The following MAP3K15 variants were observed in gnomAD, a reference collection of about 807,000 sequenced individuals.
The protein encoded by MAP3K15 is MAPK/ERK kinase kinase 15.
MAP3K15 carries 124 observed loss-of-function variants against 99.5 expected under a neutral mutation model. That is an observed-to-expected ratio of 1.25 (90% CI 1.08 to 1.45). The LOEUF (loss-of-function observed/expected upper bound fraction) is 1.45. MAP3K15 is among the 40% of genes most tolerant of loss of function. The probability of loss-of-function intolerance (pLI) is 0.00; values close to 1 mark genes in which losing one functional copy is unlikely to be tolerated. For missense variants in MAP3K15, 1,242 were observed against 1,079.7 expected, an observed-to-expected ratio of 1.15 and a Z score of -2.11; for synonymous variants, 494 against 439.6, an observed-to-expected ratio of 1.12 and a Z score of -1.55.
intron 21 of MAP3K15, 85 bp downstream of exon 21, chrX:19,373,451 T>C (rs2063392746): frequency 2.8e-6 from 3 of 1,081,069 alleles, no homozygotes. Context: ...AGTGGCCATC[T>C]GGTTGGGACC....
chrX:19,510,079 G>A (rs767612041), intron 1 of MAP3K15, among the ~76,000 whole-genome samples: 2 of 111,568 alleles, frequency 1.8e-5, no homozygotes, highest in Admixed American at 9.6e-5. Context: ...CCAATAACAA[G>A]TTCTGAAATT....
intron 19 of MAP3K15, among the ~76,000 whole-genome samples, chrX:19,379,294 CTTTTTT>C (rs995651452): frequency 9.9e-6 from 1 of 101,355 alleles, no homozygotes; most frequent in Non-Finnish European, 2.0e-5. Flanking sequence ...TTTCCTTTTT[CTTTTTT>C]TTTTTTAAAC....
chrX:19,413,494 A>T (rs748204382), intron 10 of MAP3K15, 30 bp from the exon 11 acceptor site: 338 of 1,089,463 alleles, frequency 3.1e-4, no homozygotes, highest in Non-Finnish European at 1.0e-5. Context: ...CTGTTAACGT[A>T]CATGGGTAGA....
At chrX:19,365,229 C>A (rs4825296) in intron 25 of MAP3K15, among the ~76,000 whole-genome samples, 2 of 108,939 alleles carry the variant, frequency 1.8e-5, no homozygotes, top group Admixed American at 9.8e-5. Flanking sequence ...AAAAAAAGTT[C>A]TTCGACCTAC....
chrX:19,469,429 C>T (rs187525736), intron 3 of MAP3K15, among the ~76,000 whole-genome samples: 31 of 111,896 alleles, frequency 2.8e-4, no homozygotes, highest in Non-Finnish European at 4.5e-4. Context: ...ACATGTTAGA[C>T]CTAAAACCAT....
At chrX:19,419,109 G>A (rs1419718608) in intron 9 of MAP3K15, among the ~76,000 whole-genome samples, 1 of 111,815 alleles carries the variant, frequency 8.9e-6, no homozygotes, top group Non-Finnish European at 1.9e-5. Context: ...GACCATCAAG[G>A]CTAGGAAGAA....
At chrX:19,401,762 T>C (rs7890688) in intron 13 of MAP3K15, among the ~76,000 whole-genome samples, 4,637 of 112,013 alleles carry the variant, frequency 0.041, 123 homozygotes, top group South Asian at 0.12. Context: ...GTGCAGTTTT[T>C]ATTTGGATAC....
chrX:19,498,501 C>A (rs986335722), intron 1 of MAP3K15, among the ~76,000 whole-genome samples: 1 of 112,052 alleles, frequency 8.9e-6, no homozygotes, highest in Admixed American at 9.5e-5. Flanking sequence ...CTTTCTCCGT[C>A]ACCACCTGTA....
intron 3 of MAP3K15, among the ~76,000 whole-genome samples, chrX:19,474,882 A>T (rs1469657791): frequency 1.8e-5 from 2 of 111,147 alleles, no homozygotes; most frequent in African/African-American, 6.5e-5. Flanking sequence ...GTATTTTGAT[A>T]TGAAGGGTCT....
intron 9 of MAP3K15, among the ~76,000 whole-genome samples, chrX:19,418,015 G>A (rs949831981): frequency 1.8e-5 from 2 of 111,740 alleles, no homozygotes; most frequent in African/African-American, 6.5e-5. Context: ...CAAACAGAAA[G>A]GACATCCACA....
Position 19,392,436 on chromosome X carries a change from C to G in MAP3K15, c.2232G>C (p.Pro744=). 1 of 1,210,545 alleles carries G rather than the reference C, an allele frequency of 8.3e-7. No homozygotes were observed. Among genetic ancestry groups the G allele is most frequent in the Non-Finnish European group, 1.1e-6 (1 of 894,654 alleles). ...LSALLRSKWG[P]MKEPTIKFYT... is the part of the protein sequence containing the mutation. Reference sequence around the variant, plus strand: ...AAAACTTGATTGTCGGTTCCTTCATCGGCCCCCATTTGGATCGCAGAAGAG... The same window carrying G: ...AAAACTTGATTGTCGGTTCCTTCATGGGCCCCCATTTGGATCGCAGAAGAG... Residue 744 remains proline (P), a synonymous_variant, in exon 17 of 29, where the codon CCG becomes CCC. Transcript: ENST00000338883.
intron 9 of MAP3K15, among the ~76,000 whole-genome samples, chrX:19,419,826 T>G (rs4642822): frequency 0.019 from 2,156 of 111,743 alleles, 50 homozygotes; most frequent in African/African-American, 0.067. Flanking sequence ...GAACAGAAAT[T>G]ATAACAAACT....
In MAP3K15 at chrX:19,369,214, G is replaced by A. The variant is rs148312150; in HGVS notation, c.3406C>T (p.Arg1136Ter). 3,782 of 1,209,302 alleles carry A rather than the reference G, an allele frequency of 3.1e-3. 6 individuals carry two copies. Among genetic ancestry groups the A allele is most frequent in the Non-Finnish European group, 3.8e-3 (3,396 of 894,918 alleles). ...TCACAGGTAGGCTCAAAGTGGGCTC[G>A]GAGCTCTGCAAATCACACAAGACAT... Reference protein sequence around the residue: ...AAVTILIPELRAHFEPTCETE... With the variant: ...AAVTILIPEL Residue 1136 changes from arginine (R) to a stop codon, truncating the protein, a stop_gained, in exon 25 of 29, where the codon CGA becomes TGA. Coordinates refer to ENST00000338883, the MANE Select transcript of MAP3K15 (RefSeq NM_001001671.4). LOFTEE classifies it high-confidence loss of function.
chrX:19,500,227 A>T, intron 1 of MAP3K15, among the ~76,000 whole-genome samples: 1 of 111,960 alleles, frequency 8.9e-6, no homozygotes, highest in Non-Finnish European at 1.9e-5. Context: ...AGCCTGGGTG[A>T]CAGAGTGAGA....
In MAP3K15 at chrX:19,360,796, GGGAGACCGCACTCCAGAGTCTGCAGA is replaced by G. The variant is rs768004727; in HGVS notation, c.3869_3894del (p.Leu1290ProfsTer21). 1.8e-5 allele frequency: 22 copies of G among 1,209,319 alleles called. No homozygotes were observed. In the East Asian group the frequency reaches 6.2e-4, roughly 34 times the overall value. Reference sequence around the variant, plus strand: ...GAGGCCTCCTGAGCCCTTCTGTACTGGGAGACCGCACTCCAGAGTCTGCAGAGGAGACCACCCCTGGGAAACAAACA... The same window carrying G: ...GAGGCCTCCTGAGCCCTTCTGTACTGGGAGACCACCCCTGGGAAACAAACA... On this transcript the variant is annotated frameshift_variant, in exon 29 of 29. Transcript: ENST00000338883. LOFTEE classifies it low-confidence loss of function (END_TRUNC).
chrX:19,429,795 A>AGAGAGAGG (rs2063865616), intron 7 of MAP3K15, among the ~76,000 whole-genome samples: 15 of 82,620 alleles, frequency 1.8e-4, no homozygotes, highest in Non-Finnish European at 1.3e-4. Context: ...AGAGAGAGAG[A>AGAGAGAGG]GAGAGAGAGA....
rs1324889063 is a variant in MAP3K15, at chrX:19,395,153, T to C, written c.2122A>G (p.Asn708Asp). 3.3e-6 allele frequency: 4 copies of C among 1,209,231 alleles called. No homozygotes were observed. Among genetic ancestry groups the C allele is most frequent in the Non-Finnish European group, 4.5e-6 (4 of 893,977 alleles). ...ACAGAGCCCAGGTACTGAACGATATTGCGGTGCTTAAGGTACTTGTGCAGG... is the reference window on the plus strand; with the variant it reads ...ACAGAGCCCAGGTACTGAACGATATCGCGGTGCTTAAGGTACTTGTGCAGG... ...IALHKYLKHRNIVQYLGSVSE... is the reference protein window; with the variant it reads ...IALHKYLKHRDIVQYLGSVSE... Residue 708 changes from asparagine to aspartate, a missense_variant, in exon 16 of 29, where the codon AAT becomes GAT. Asn to Asp is a conservative substitution (Grantham distance 23). Coordinates refer to ENST00000338883, the MANE Select transcript of MAP3K15 (RefSeq NM_001001671.4).
intron 6 of MAP3K15, among the ~76,000 whole-genome samples, chrX:19,444,248 G>A (rs991223032): frequency 2.7e-5 from 3 of 111,908 alleles, no homozygotes; most frequent in South Asian, 7.4e-4. Flanking sequence ...AAGAGTAAGC[G>A]TCTAGGTCAT....
At chrX:19,467,391 T>C (rs2064175945) in intron 3 of MAP3K15, among the ~76,000 whole-genome samples, 1 of 110,599 alleles carries the variant, frequency 9.0e-6, no homozygotes, top group Non-Finnish European at 1.9e-5. Context: ...GAAGCTCTAT[T>C]CCAGGCAAGT....
Sources: gnomAD v4.1 joint callset for allele counts (sites outside exome capture counted in the v4.1 genomes callset) on GRCh38, gnomAD v4.1.1 for gene constraint, MANE v1.5 for transcripts, NCBI Gene and HGNC (gene_info 2026-07-23, HGNC 2026-07-21) for gene names.